The following SYNCRIP variants were observed in gnomAD, a reference collection of about 807,000 sequenced individuals.
The protein encoded by SYNCRIP is heterogeneous nuclear ribonucleoprotein Q.
In SYNCRIP, 9 loss-of-function variants were observed where a neutral mutation model predicts 68.9. That is an observed-to-expected ratio of 0.13 (90% CI 0.08 to 0.23). The LOEUF is 0.23. SYNCRIP is among the 10% of genes least tolerant of loss of function. The pLI, the probability that SYNCRIP is intolerant of heterozygous loss-of-function variation, is 1.00. For missense variants in SYNCRIP, 414 were observed against 770.6 expected, an observed-to-expected ratio of 0.54 and a Z score of 5.48; for synonymous variants, 258 against 254.0, an observed-to-expected ratio of 1.02 and a Z score of -0.15.
chr6:85,642,993 G>A (rs1425189798), upstream of SYNCRIP: 1 of 142,530 alleles, frequency 7.0e-6, no homozygotes, highest in East Asian at 2.1e-4. Context: ...GCCCCCGCGT[G>A]ACCCCCCCTT....
chr6:85,630,219 G>A (rs1034776363), intron 6 of SYNCRIP, among the ~76,000 whole-genome samples: 1 of 151,618 alleles, frequency 6.6e-6, no homozygotes, highest in African/African-American at 2.4e-5. Context: ...AAAATTAGCC[G>A]GGTGTGGTGG....
chr6:85,619,533 TATA>T, intron 8 of SYNCRIP, 116 bp from the exon 9 acceptor site: 3 of 907,504 alleles, frequency 3.3e-6, no homozygotes, highest in Non-Finnish European at 4.6e-6. Context: ...AATGTCAGAA[TATA>T]AAAAAAAAAA....
At chr6:85,632,905 A>G (rs1040802594) in intron 6 of SYNCRIP, among the ~76,000 whole-genome samples, 1 of 152,104 alleles carries the variant, frequency 6.6e-6, no homozygotes, top group African/African-American at 2.4e-5. Flanking sequence ...ACTGCACTCC[A>G]GCAAGGGCAA....
At chr6:85,642,315 G>C (rs1809283306) in intron 1 of SYNCRIP, among the ~76,000 whole-genome samples, 1 of 152,114 alleles carries the variant, frequency 6.6e-6, no homozygotes, top group African/African-American at 2.4e-5. Flanking sequence ...CGTGACCCGT[G>C]GCGCGCTGTG....
chr6:85,643,321 G>A (rs540625381), upstream of SYNCRIP: 1 of 152,026 alleles, frequency 6.6e-6, no homozygotes, highest in Non-Finnish European at 1.5e-5. Context: ...TCTCTCTCCC[G>A]CGCTGACGTG....
In SYNCRIP at chr6:85,614,559, G is replaced by T; in HGVS notation, c.*197C>A. ...TTCAGTATCTAAGAATATCTTTATT[G>T]AAAAAAATTAAAAATAAAATCAGTT... On this transcript the variant is annotated 3_prime_UTR_variant, in exon 11 of 11. Transcript: ENST00000369622. 1.6e-6 allele frequency: 2 copies of T among 1,285,264 alleles called. No individual in the cohort carries two copies. Among genetic ancestry groups the T allele is most frequent in the South Asian group, 2.7e-5 (1 of 36,726 alleles). The allele number at this position is 1,285,264 out of a possible 1,614,324, so 79.6% of individuals were successfully genotyped here.
At chr6:85,617,879 T>C (rs1053016125) in intron 10 of SYNCRIP, among the ~76,000 whole-genome samples, 2 of 152,238 alleles carry the variant, frequency 1.3e-5, no homozygotes, top group South Asian at 4.1e-4. Flanking sequence ...TAACTAACTT[T>C]TTAGGAGCTA....
downstream of SYNCRIP, chr6:85,612,700 A>G: frequency 1.9e-6 from 1 of 522,708 alleles, no homozygotes; most frequent in Admixed American, 4.0e-5. Flanking sequence ...AAATTGTTAA[A>G]GAAATTCATA....
intron 6 of SYNCRIP, among the ~76,000 whole-genome samples, chr6:85,629,933 G>A (rs957906111): frequency 6.6e-6 from 1 of 151,544 alleles, no homozygotes; most frequent in African/African-American, 2.4e-5. Context: ...GCAGTGAGCT[G>A]AGATAGCGCC....
intron 8 of SYNCRIP, among the ~76,000 whole-genome samples, chr6:85,620,963 T>C (rs1806314382): frequency 6.6e-6 from 1 of 152,214 alleles, no homozygotes; most frequent in African/African-American, 2.4e-5. Flanking sequence ...CAAAACTAAT[T>C]AGGACCTGCT....
intron 6 of SYNCRIP, among the ~76,000 whole-genome samples, chr6:85,634,959 C>A (rs1334530783): frequency 2.0e-5 from 3 of 152,138 alleles, no homozygotes; most frequent in Non-Finnish European, 4.4e-5. Context: ...TACTTGAGGT[C>A]TGGAGTTCAA....
chr6:85,642,644 G>A (rs1286705436), intron 1 of SYNCRIP, among the ~76,000 whole-genome samples, 153 bp downstream of exon 1: 1 of 152,182 alleles, frequency 6.6e-6, no homozygotes, highest in Non-Finnish European at 1.5e-5. Context: ...CGCGGGCCGC[G>A]GCCTACTCCC....
chr6:85,618,140 A>C (rs959725750), intron 10 of SYNCRIP, among the ~76,000 whole-genome samples: 1 of 152,084 alleles, frequency 6.6e-6, no homozygotes, highest in African/African-American at 2.4e-5. Context: ...AGTATTTCCT[A>C]TCTCTCAGAG....
chr6:85,622,825 A>G, intron 7 of SYNCRIP, 138 bp from the exon 8 acceptor site: 1 of 706,222 alleles, frequency 1.4e-6, no homozygotes, highest in South Asian at 1.9e-5. Flanking sequence ...TCTTTATAAA[A>G]GACTATCAAA....
At chr6:85,631,646 T>C (rs945549604) in intron 6 of SYNCRIP, among the ~76,000 whole-genome samples, 5 of 152,236 alleles carry the variant, frequency 3.3e-5, no homozygotes, top group Admixed American at 2.6e-4. Flanking sequence ...TGGCAACAGA[T>C]AGGACCTACT....
intron 10 of SYNCRIP, among the ~76,000 whole-genome samples, chr6:85,618,328 G>C (rs575433886): frequency 2.0e-5 from 3 of 152,002 alleles, no homozygotes; most frequent in South Asian, 4.2e-4. Flanking sequence ...ATCACCTGAG[G>C]TCAGGAGTTT....
intron 8 of SYNCRIP, among the ~76,000 whole-genome samples, chr6:85,621,971 C>T (rs1007368024): frequency 2.0e-5 from 3 of 148,678 alleles, no homozygotes; most frequent in African/African-American, 7.9e-5. Context: ...AGTATCCACG[C>T]ATCAATTTCT....
chr6:85,614,026 T>C lies in SYNCRIP; in HGVS notation c.*730A>G, dbSNP rs1417408140. 1.0e-6 allele frequency: 1 copy of C among 985,528 alleles called. No individual in the cohort carries two copies. Among genetic ancestry groups the C allele is most frequent in the East Asian group, 1.1e-4 (1 of 8,836 alleles). The allele number at this position is 985,528 out of a possible 1,614,324, so 61.0% of individuals were successfully genotyped here. On this transcript the variant is annotated 3_prime_UTR_variant, in exon 11 of 11. Coordinates refer to ENST00000369622, the MANE Select transcript of SYNCRIP (RefSeq NM_006372.5). ...TTTGATGGGAACATGAAGTCTGTTG[T>C]AAAATAGCACTTTAAACCAGAAGCA... is the stretch of plus-strand genomic sequence containing the variant.
At chr6:85,611,218 GT>G (rs1805212695), downstream of SYNCRIP, 1 of 152,004 alleles carries the variant, frequency 6.6e-6, no homozygotes, top group African/African-American at 2.4e-5. Context: ...GCAATTCTAA[GT>G]TTTTAAACCA....
Sources: allele counts gnomAD v4.1 joint callset (sites outside exome capture counted in the v4.1 genomes callset), GRCh38; gene constraint gnomAD v4.1.1; transcripts MANE v1.5; gene names NCBI Gene and HGNC (gene_info 2026-07-23, HGNC 2026-07-21).